PTPN13: variants seen among roughly 807,000 people sequenced by gnomAD.
PTPN13 encodes tyrosine-protein phosphatase non-receptor type 13.
Under a neutral mutation model 284.0 loss-of-function variants are expected in PTPN13, and 191 were observed. That is an observed-to-expected ratio of 0.67 (90% CI 0.60 to 0.76). The LOEUF (loss-of-function observed/expected upper bound fraction) is 0.76, where lower values mean the gene tolerates loss of function less well. PTPN13 is among the 30% of genes least tolerant of loss of function. The pLI is 0.00. For synonymous variants in PTPN13, 986 were observed against 1,022.3 expected (o/e 0.96, Z 0.68); for missense variants, 2,797 against 2,939.9 (o/e 0.95, Z 1.12).
intron 13 of PTPN13, 116 bp from the exon 14 acceptor site, chr4:86,734,621 C>G: frequency 1.5e-6 from 2 of 1,319,724 alleles, no homozygotes; most frequent in Non-Finnish European, 2.0e-6. Flanking sequence ...GCCTTAAAAG[C>G]TTAATAATAA....
chr4:86,728,321 T>A (rs1301388440), intron 10 of PTPN13, among the ~76,000 whole-genome samples: 1 of 149,432 alleles, frequency 6.7e-6, no homozygotes, highest in Non-Finnish European at 1.5e-5. Context: ...TCTGGATATG[T>A]CTATTAGGTC....
intron 3 of PTPN13, among the ~76,000 whole-genome samples, chr4:86,683,004 T>C (rs1395310875): frequency 6.6e-6 from 1 of 152,212 alleles, no homozygotes; most frequent in African/African-American, 2.4e-5. Flanking sequence ...ATTTAAAATA[T>C]TACTAAAAGT....
At position 86,803,816 on chromosome 4, in the gene PTPN13, C is replaced by T. The variant is rs774490423; in HGVS notation, c.6613C>T (p.Arg2205Trp). ...CTTAAAATCAGTCATTCGAGTCCTG[C>T]GGGGTTTGCTAGATCAAGGAATTCC... The part of the protein sequence containing the change: ...ANLKSVIRVL[R>W]GLLDQGIPSK... The change falls in exon 43 of 48, where the codon CGG becomes TGG. Residue 2205 changes from arginine (R) to tryptophan (W), a missense_variant. Transcript: ENST00000411767. 3.1e-6 allele frequency: 5 copies of T among 1,613,642 alleles called. No individual in the cohort carries two copies. Among genetic ancestry groups the T allele is most frequent in the African/African-American group, 2.7e-5 (2 of 74,890 alleles).
chr4:86,621,159 C>T (rs376008490), intron 1 of PTPN13, among the ~76,000 whole-genome samples: 1 of 152,314 alleles, frequency 6.6e-6, no homozygotes, highest in East Asian at 1.9e-4. Flanking sequence ...GGGGATCACA[C>T]TGCAGGCTGT....
chr4:86,779,691 C>CT (rs1462941882), intron 35 of PTPN13, among the ~76,000 whole-genome samples: 2 of 152,276 alleles, frequency 1.3e-5, no homozygotes, highest in East Asian at 3.9e-4. Flanking sequence ...GTACTCAGAA[C>CT]TTTAAGTATA....
intron 10 of PTPN13, among the ~76,000 whole-genome samples, chr4:86,726,506 T>C (rs188639186): frequency 6.7e-6 from 1 of 149,422 alleles, no homozygotes; most frequent in African/African-American, 2.4e-5. Flanking sequence ...CAGTGGTTTG[T>C]AGTTCTGCTT....
chr4:86,760,499 A>G (rs1006881071), intron 23 of PTPN13, among the ~76,000 whole-genome samples: 6 of 152,204 alleles, frequency 3.9e-5, no homozygotes, highest in African/African-American at 1.4e-4. Flanking sequence ...CATTTGTCCA[A>G]CAAATATTTA....
chr4:86,643,123 T>C (rs1009706898), intron 2 of PTPN13, among the ~76,000 whole-genome samples: 2 of 152,322 alleles, frequency 1.3e-5, no homozygotes, highest in East Asian at 3.9e-4. Context: ...CCTTTATAAG[T>C]AGTCACTTCT....
chr4:86,698,056 C>G (rs1372698367), intron 6 of PTPN13, among the ~76,000 whole-genome samples: 2 of 152,002 alleles, frequency 1.3e-5, no homozygotes, highest in African/African-American at 4.8e-5. Context: ...ATGCATTCTC[C>G]AGAAGGAAAA....
chr4:86,799,086 GT>G lies in PTPN13; in HGVS notation c.6402-11del. The G allele has an allele frequency of 6.8e-7, 1 of 1,464,116 alleles. No homozygotes were observed. Among genetic ancestry groups the G allele is most frequent in the South Asian group, 1.3e-5 (1 of 75,668 alleles). 90.7% of individuals were successfully genotyped at this position (1,464,116 alleles called of 1,614,324 possible). The stretch of plus-strand genomic sequence containing the variant: ...AAAATGAAGAAAATGTTTCAAATAT[GT>G]TTTGTTTTCATAGCTTAATTCAGAA... On this transcript the variant is annotated splice_polypyrimidine_tract_variant and intron_variant, in intron 41 of 47. Transcript: ENST00000411767.
chr4:86,710,803 C>A (rs773788413), intron 7 of PTPN13, among the ~76,000 whole-genome samples: 2 of 151,994 alleles, frequency 1.3e-5, no homozygotes, highest in Admixed American at 6.6e-5. Flanking sequence ...AGTTTTTATA[C>A]CTCATTCTGA....
chr4:86,814,450 C>T lies in PTPN13; in HGVS notation c.7363-6C>T, dbSNP rs760497335. 2 of 1,590,050 alleles carry T rather than the reference C, an allele frequency of 1.3e-6. No individual in the cohort carries two copies. The highest frequency in any genetic ancestry group is 1.7e-6 in the Non-Finnish European group (2 of 1,161,694). ...AAGTATTCTATCTCACTTTTTTTGG[C>T]CATAGGATCAATATATTTTCTGCTA... is the stretch of plus-strand genomic sequence containing the variant. On this transcript the variant is annotated splice_region_variant and splice_polypyrimidine_tract_variant and intron_variant, in intron 47 of 47. Coordinates refer to ENST00000411767, the MANE Select transcript of PTPN13 (RefSeq NM_080683.3).
intron 7 of PTPN13, among the ~76,000 whole-genome samples, chr4:86,715,927 G>A (rs942933513): frequency 1.1e-4 from 17 of 152,138 alleles, no homozygotes; most frequent in Non-Finnish European, 2.2e-4. Flanking sequence ...CCCTGGGCTC[G>A]GCCCTCTTGT....
intron 2 of PTPN13, among the ~76,000 whole-genome samples, chr4:86,671,552 G>A (rs2148890859): frequency 6.6e-6 from 1 of 152,196 alleles, no homozygotes; most frequent in Non-Finnish European, 1.5e-5. Flanking sequence ...CTTCTAGGTG[G>A]AGGCCTACTG....
Position 86,701,344 on chromosome 4 carries a change from C to T in PTPN13, c.738C>T (p.Ile246=). The T allele has an allele frequency of 6.2e-7, 1 of 1,612,402 alleles. No individual in the cohort carries two copies. Among genetic ancestry groups the T allele is most frequent in the Admixed American group, 1.7e-5 (1 of 59,922 alleles). The change falls in exon 7 of 48, where the codon ATC becomes ATT. Residue 246 remains isoleucine, a synonymous_variant. Coordinates refer to ENST00000411767, the MANE Select transcript of PTPN13 (RefSeq NM_080683.3). The stretch of plus-strand genomic sequence containing the variant: ...GTAAATCTATGGGATTTCTGTCCAT[C>T]AAAGATACACAAGATGAGAATTATT... ...GLSKSMGFLS[I]KDTQDENYFK...
At chr4:86,814,284 T>G (rs1054957874) in intron 47 of PTPN13, among the ~76,000 whole-genome samples, 172 bp from the exon 48 acceptor site, 2 of 151,760 alleles carry the variant, frequency 1.3e-5, no homozygotes, top group African/African-American at 4.8e-5. Flanking sequence ...GGATTACAGG[T>G]GTGAGCCACC....
At position 86,809,821 on chromosome 4, in the gene PTPN13, A is replaced by C; in HGVS notation, c.7136A>C (p.His2379Pro). ...CTGAATTTCACTGCCTGGCCAGACC[A>C]TGATACACCTTCTCAACCAGATGAT... is the stretch of plus-strand genomic sequence containing the variant. ...SHLNFTAWPD[H>P]DTPSQPDDLL... The change falls in exon 46 of 48, where the codon CAT (histidine) becomes CCT (proline). Residue 2379 changes from histidine (H) to proline (P), a missense_variant. His to Pro is a moderately conservative substitution (Grantham distance 77, BLOSUM62 -2). Transcript: ENST00000411767. 1 of 1,614,084 alleles carries C rather than the reference A, an allele frequency of 6.2e-7. No individual in the cohort carries two copies. Among genetic ancestry groups the C allele is most frequent in the Non-Finnish European group, 8.5e-7 (1 of 1,179,906 alleles).
chr4:86,785,207 C>T, intron 38 of PTPN13, 24 bp from the exon 39 acceptor site: 1 of 1,459,964 alleles, frequency 6.8e-7, no homozygotes, highest in South Asian at 1.3e-5. Context: ...AAGTAAAACC[C>T]CATGTAAATT....
rs1482765886 is a variant in PTPN13, at chr4:86,765,459, C to A, written c.4214C>A (p.Ala1405Glu). The A allele has an allele frequency of 1.9e-6, 3 of 1,595,958 alleles. No individual in the cohort carries two copies. The Admixed American group carries it at 5.2e-5, about 28-fold the overall frequency. ...GTGAAAGCTGTTATTCCCCAGGGAG[C>A]AGCAGAGTCTGATGGTAGAATTCAC... Reference protein sequence around the residue: ...IYVKAVIPQGAAESDGRIHKG... With the variant: ...IYVKAVIPQGEAESDGRIHKG... The change falls in exon 26 of 48, where the codon GCA (alanine) becomes GAA (glutamate). Residue 1405 changes from alanine (A) to glutamate (E), a missense_variant. Physicochemically the swap from Ala to Glu is moderately radical, Grantham distance 107 (BLOSUM62 -1). Coordinates refer to ENST00000411767, the MANE Select transcript of PTPN13 (RefSeq NM_080683.3).
Sources: allele counts gnomAD v4.1 joint callset (sites outside exome capture counted in the v4.1 genomes callset), GRCh38; gene constraint gnomAD v4.1.1; transcripts MANE v1.5; gene names NCBI Gene and HGNC (gene_info 2026-07-23, HGNC 2026-07-21).